MAPKAPK2: variants seen among roughly 807,000 people sequenced by gnomAD.
MAPKAPK2 encodes MAP kinase-activated protein kinase 2.
MAPKAPK2 carries 9 observed loss-of-function variants against 48.8 expected under a neutral mutation model. The ratio of observed to expected loss-of-function variants is 0.18; its 90% CI spans 0.11 to 0.32. The LOEUF is 0.32. Ranked by LOEUF, MAPKAPK2 falls within the 10% of genes least tolerant of loss-of-function variation. The probability of loss-of-function intolerance (pLI) is 1.00; values close to 1 mark genes in which losing one functional copy is unlikely to be tolerated. For missense variants in MAPKAPK2, 331 were observed against 498.3 expected (o/e 0.66, Z 3.20); for synonymous variants, 202 against 190.6 (o/e 1.06, Z -0.49).
chr1:206,731,554 C>G lies in MAPKAPK2; in HGVS notation c.893-86C>G. 1 of 1,270,810 alleles carries G rather than the reference C, an allele frequency of 7.9e-7. No individual in the cohort carries two copies. Among genetic ancestry groups the G allele is most frequent in the Non-Finnish European group, 1.2e-6 (1 of 869,350 alleles). 78.7% of individuals were successfully genotyped at this position (1,270,810 alleles called of 1,614,324 possible). ...TGCCTCCATGCACCCCCTCTTTGAA[C>G]CTGGTTTCCCCATGAAAACTGGGGA... is the stretch of plus-strand genomic sequence containing the variant. On this transcript the variant is annotated intron_variant, in intron 7 of 9. Transcript: ENST00000367103. This position sits in a 1 kb window ranked among gnomAD's most constrained non-coding sequence, Gnocchi z 5.9.
In MAPKAPK2 at chr1:206,706,543, C is replaced by T. The variant is rs192278092; in HGVS notation, c.279+21035C>T. 4.4e-3 allele frequency among the ~76,000 whole-genome samples: 674 copies of T among 152,246 alleles called. 2 individuals carry two copies. Among genetic ancestry groups the T allele is most frequent in the Middle Eastern group, 6.8e-3 (2 of 294 alleles). On this transcript the variant is annotated intron_variant, in intron 1 of 9. Coordinates refer to ENST00000367103, the MANE Select transcript of MAPKAPK2 (RefSeq NM_032960.4). ...GGAGGGGACCAGCAGCTCTGACCCC[C>T]GTGGGCTTGCTGTGGTCCCCAGGGA...
Position 206,732,415 on chromosome 1 carries a change from C to G in MAPKAPK2, c.1060-160C>G. On this transcript the variant is annotated intron_variant, in intron 9 of 9. Transcript: ENST00000367103. This position sits in a 1 kb window ranked among gnomAD's most constrained non-coding sequence, Gnocchi z 4.4. The stretch of plus-strand genomic sequence containing the variant: ...AGCGCTGGGGTGAGGCTGCCGTTGT[C>G]AGCGTGGACCACTAACCAGCCCGTC... 1.4e-6 allele frequency: 2 copies of G among 1,460,624 alleles called. No homozygotes were observed. Among genetic ancestry groups the G allele is most frequent in the Non-Finnish European group, 1.8e-6 (2 of 1,104,956 alleles). The allele number at this position is 1,460,624 out of a possible 1,614,324, so 90.5% of individuals were successfully genotyped here. A position where few individuals can be genotyped will look rare whatever the true frequency, so the allele number is the denominator to read the frequency against.
chr1:206,706,093 G>A (rs569907200), intron 1 of MAPKAPK2, among the ~76,000 whole-genome samples: 22 of 151,678 alleles, frequency 1.5e-4, no homozygotes, highest in South Asian at 2.1e-4. Context: ...TAATTAAGGC[G>A]GGGTCAGGAT....
At chr1:206,685,659 G>A (rs1421943549) in intron 1 of MAPKAPK2, 151 bp downstream of exon 1, 12 of 503,036 alleles carry the variant, frequency 2.4e-5, no homozygotes, top group Non-Finnish European at 3.1e-5. Context: ...GCGGTGCCGA[G>A]TGCGGCGCGG....
At chr1:206,724,479 T>G (rs1380611652) in intron 1 of MAPKAPK2, among the ~76,000 whole-genome samples, 1 of 151,880 alleles carries the variant, frequency 6.6e-6, no homozygotes, top group Non-Finnish European at 1.5e-5. Context: ...TTTCATTGCT[T>G]GGGTTGATTT....
intron 1 of MAPKAPK2, among the ~76,000 whole-genome samples, chr1:206,687,487 A>G (rs150906786): frequency 4.6e-5 from 7 of 152,362 alleles, no homozygotes; most frequent in Non-Finnish European, 8.8e-5. Flanking sequence ...AGTTGACTCA[A>G]CTGTTAAATT....
At chr1:206,695,573 A>G (rs1378909191) in intron 1 of MAPKAPK2, among the ~76,000 whole-genome samples, 2 of 149,392 alleles carry the variant, frequency 1.3e-5, no homozygotes, top group Non-Finnish European at 3.0e-5. Flanking sequence ...ATCCATCTGC[A>G]TCTTCTCTGT....
chr1:206,731,869 C>T lies in MAPKAPK2; in HGVS notation c.1009C>T (p.His337Tyr). The change falls in exon 9 of 10, where the codon CAC becomes TAC. Residue 337 changes from histidine to tyrosine, a missense_variant. Transcript: ENST00000367103. This position sits in a 1 kb window ranked among gnomAD's most constrained non-coding sequence, Gnocchi z 5.9. ...AACAAAGGTCCCTCAAACCCCACTGCACACCAGCCGGGTCCTGAAGGAGGA... is the reference window on the plus strand; with the variant it reads ...AACAAAGGTCCCTCAAACCCCACTGTACACCAGCCGGGTCCTGAAGGAGGA... Reference protein sequence around the residue: ...QSTKVPQTPLHTSRVLKEDKE... With the variant: ...QSTKVPQTPLYTSRVLKEDKE... 1.2e-6 allele frequency: 2 copies of T among 1,614,152 alleles called. No individual in the cohort carries two copies. Among genetic ancestry groups the T allele is most frequent in the Non-Finnish European group, 1.7e-6 (2 of 1,180,020 alleles).
chr1:206,727,626 T>G (rs1234201655), intron 1 of MAPKAPK2, among the ~76,000 whole-genome samples: 1 of 151,992 alleles, frequency 6.6e-6, no homozygotes, highest in Non-Finnish European at 1.5e-5. Context: ...CTTAGCAGAT[T>G]TCTTTTTTTT....
rs191175287 is a variant in MAPKAPK2 at position 206,732,687 on chromosome 1, G to A, written c.1172G>A (p.Arg391Gln). The stretch of plus-strand genomic sequence containing the variant: ...CTGCTGAAGAGGCGGAAGAAAGCTC[G>A]GGCCCTGGAGGCTGCGGCTCTGGCC... ...PLLLKRRKKA[R>Q]ALEAAALAH Residue 391 changes from arginine (R) to glutamine (Q), a missense_variant, in exon 10 of 10, where the codon CGG becomes CAG. Arg to Gln is a conservative substitution (Grantham distance 43, BLOSUM62 1). Transcript: ENST00000367103. This position sits in a 1 kb window ranked among gnomAD's most constrained non-coding sequence, Gnocchi z 4.4. The A allele has an allele frequency of 1.2e-5, 20 of 1,614,218 alleles. No individual in the cohort carries two copies. The highest frequency in any genetic ancestry group is 1.1e-4 in the African/African-American group (8 of 75,062).
intron 1 of MAPKAPK2, among the ~76,000 whole-genome samples, chr1:206,702,946 C>T (rs868936125): frequency 6.6e-6 from 1 of 152,228 alleles, no homozygotes; most frequent in Non-Finnish European, 1.5e-5. Flanking sequence ...CTGCCTCCCT[C>T]CTCTGCCCTA....
rs956925298 is a variant in MAPKAPK2, at chr1:206,732,168, C to T, written c.1059+249C>T. On this transcript the variant is annotated intron_variant, in intron 9 of 9. Coordinates refer to ENST00000367103, the MANE Select transcript of MAPKAPK2 (RefSeq NM_032960.4). This position sits in a 1 kb window ranked among gnomAD's most constrained non-coding sequence, Gnocchi z 4.4. Reference sequence around the variant, plus strand: ...TTTATTCCCTGGGTCTCTAATGGGACCTTAAAGACCATCTGGTATCATCTT... The same window carrying T: ...TTTATTCCCTGGGTCTCTAATGGGATCTTAAAGACCATCTGGTATCATCTT... 3 of 1,605,816 alleles carry T rather than the reference C, an allele frequency of 1.9e-6. No homozygotes were observed. The highest frequency in any genetic ancestry group is 2.6e-6 in the Non-Finnish European group (3 of 1,173,362).
intron 1 of MAPKAPK2, chr1:206,695,764 CT>C: frequency 1.4e-5 from 3 of 211,918 alleles, no homozygotes; most frequent in Non-Finnish European, 2.6e-5. Context: ...GCATCTCTCT[CT>C]CTCTCTCTTT....
At chr1:206,695,875 G>T in intron 1 of MAPKAPK2, 1 of 567,398 alleles carries the variant, frequency 1.8e-6, no homozygotes, top group Non-Finnish European at 3.2e-6. Context: ...CTGTCAGAGG[G>T]GTTGGGAGTG....
rs573824084 is a variant in MAPKAPK2 at position 206,701,504 on chromosome 1, A to G, written c.279+15996A>G. On this transcript the variant is annotated intron_variant, in intron 1 of 9. Coordinates refer to ENST00000367103, the MANE Select transcript of MAPKAPK2 (RefSeq NM_032960.4). Reference sequence around the variant, plus strand: ...TTGAAGCCCAGGTGAGAGGGCAAGTAGAAGGTATTCATTTAGAAAAGGATC... The same window carrying G: ...TTGAAGCCCAGGTGAGAGGGCAAGTGGAAGGTATTCATTTAGAAAAGGATC... Among the ~76,000 whole-genome samples, 5 of 152,286 alleles carry G rather than the reference A, an allele frequency of 3.3e-5. No homozygotes were observed. In the East Asian group the frequency reaches 9.6e-4, roughly 29 times the overall value.
At chr1:206,716,073 GTTA>G (rs1673319530) in intron 1 of MAPKAPK2, among the ~76,000 whole-genome samples, 2 of 147,494 alleles carry the variant, frequency 1.4e-5, no homozygotes, top group African/African-American at 5.0e-5. Flanking sequence ...TGGTGTTCTT[GTTA>G]TTATTGTTTT....
chr1:206,730,629 ACTGAGTG>A, intron 5 of MAPKAPK2, 52 bp from the exon 6 acceptor site: 1 of 1,426,468 alleles, frequency 7.0e-7, no homozygotes, highest in Non-Finnish European at 9.9e-7. Flanking sequence ...TCACAGAGAA[ACTGAGTG>A]GATCACAGGG....
Position 206,729,072 on chromosome 1 carries a change from C to T in MAPKAPK2, c.457C>T (p.Arg153Ter). 2 of 1,614,132 alleles carry T rather than the reference C, an allele frequency of 1.2e-6. No homozygotes were observed. The highest frequency in any genetic ancestry group is 1.7e-6 in the Non-Finnish European group (2 of 1,180,024). Residue 153 changes from arginine to a stop codon, truncating the protein, a stop_gained, in exon 3 of 10, where the codon CGA becomes TGA. Transcript: ENST00000367103. LOFTEE classifies it high-confidence loss of function. Reference protein sequence around the residue: ...GGELFSRIQDRGDQAFTEREA... With the variant: ...GGELFSRIQD ...AGAACTCTTTAGCCGAATCCAGGAT[C>T]GAGGAGACCAGGCATTCACAGAAAG...
chr1:206,715,993 T>C (rs1553430307), intron 1 of MAPKAPK2, among the ~76,000 whole-genome samples: 1 of 151,956 alleles, frequency 6.6e-6, no homozygotes, highest in Non-Finnish European at 1.5e-5. Flanking sequence ...CAACTGTTTT[T>C]GTCTCAGTTT....
Sources: gnomAD v4.1 joint callset for allele counts (sites outside exome capture counted in the v4.1 genomes callset) on GRCh38, gnomAD v4.1.1 for gene constraint, Gnocchi (gnomAD v3.1) non-coding constraint, MANE v1.5 for transcripts, NCBI Gene and HGNC (gene_info 2026-07-23, HGNC 2026-07-21) for gene names.